ANK3: variants seen among roughly 807,000 people sequenced by gnomAD.
The protein encoded by ANK3 is ankyrin 3, also known as ankyrin-3.
In ANK3, 57 loss-of-function variants were observed where a neutral mutation model predicts 370.9. The observed-to-expected ratio is 0.15, with a 90% CI of 0.12 to 0.19. The LOEUF is 0.19. Ranked by LOEUF, ANK3 falls within the 10% of genes least tolerant of loss-of-function variation. The pLI is 1.00. For synonymous variants in ANK3, 1,929 were observed against 1,946.3 expected, an observed-to-expected ratio of 0.99 and a Z score of 0.23; for missense variants, 4,439 against 5,302.1, an observed-to-expected ratio of 0.84 and a Z score of 5.06.
At chr10:60,719,308 T>G (rs759252687) in intron 1 of ANK3, among the ~76,000 whole-genome samples, 1 of 152,190 alleles carries the variant, frequency 6.6e-6, no homozygotes. Context: ...ATAAGCATCC[T>G]TGTAAATATT....
intron 2 of ANK3, among the ~76,000 whole-genome samples, chr10:60,414,318 T>C (rs1332136264): frequency 3.9e-5 from 6 of 152,194 alleles, no homozygotes; most frequent in Non-Finnish European, 8.8e-5. Flanking sequence ...GAGCCTGTTG[T>C]GTTCAGCCAT....
chr10:60,634,662 T>A (rs1178017927), intron 1 of ANK3, among the ~76,000 whole-genome samples: 4 of 151,932 alleles, frequency 2.6e-5, no homozygotes, highest in African/African-American at 7.3e-5. Flanking sequence ...TGTGGAAGCT[T>A]TGTTCTTTTG....
chr10:60,512,195 T>TAAAACAAAACAA (rs2133164700), intron 2 of ANK3, among the ~76,000 whole-genome samples: 1 of 151,860 alleles, frequency 6.6e-6, no homozygotes. Flanking sequence ...GGGAAGTAAA[T>TAAAACAAAACAA]AAAACAAAAC....
intron 1 of ANK3, among the ~76,000 whole-genome samples, chr10:60,672,812 A>T (rs942299770): frequency 3.9e-5 from 6 of 152,154 alleles, no homozygotes; most frequent in Middle Eastern, 3.2e-3. Context: ...GTCTTGTGAG[A>T]CCTTGCACTT....
At chr10:60,312,149 C>T (rs1362791557) in intron 1 of ANK3, among the ~76,000 whole-genome samples, 1 of 152,144 alleles carries the variant, frequency 6.6e-6, no homozygotes, top group Admixed American at 6.6e-5. Flanking sequence ...TAAACATATC[C>T]TAGGCCAAGG....
intron 2 of ANK3, among the ~76,000 whole-genome samples, chr10:60,409,821 A>G (rs1240397392): frequency 2.6e-5 from 4 of 152,122 alleles, no homozygotes; most frequent in Non-Finnish European, 4.4e-5. Context: ...AAACTCAACA[A>G]CATTTAAAAA....
intron 29 of ANK3, among the ~76,000 whole-genome samples, chr10:60,087,122 C>T (rs2086922544): frequency 6.6e-6 from 1 of 151,886 alleles, no homozygotes; most frequent in Non-Finnish European, 1.5e-5. Context: ...ACACAAATAG[C>T]ACTGGCTTGC....
intron 7 of ANK3, among the ~76,000 whole-genome samples, chr10:60,244,550 G>T (rs1452747842): frequency 6.6e-6 from 1 of 152,068 alleles, no homozygotes; most frequent in Non-Finnish European, 1.5e-5. Context: ...AGTCGAAGTG[G>T]CATAACAAAT....
chr10:60,581,336 TA>T (rs1168294480), intron 2 of ANK3, among the ~76,000 whole-genome samples: 3 of 152,088 alleles, frequency 2.0e-5, no homozygotes, highest in African/African-American at 4.8e-5. Context: ...ATCTGATGAT[TA>T]GGGGTACCAA....
chr10:60,303,004 A>G (rs2044167293), intron 1 of ANK3, among the ~76,000 whole-genome samples: 1 of 152,210 alleles, frequency 6.6e-6, no homozygotes, highest in African/African-American at 2.4e-5. Flanking sequence ...CAGGATATCC[A>G]CATGCAGAAA....
At chr10:60,144,454 T>G (rs758971076) in intron 23 of ANK3, among the ~76,000 whole-genome samples, 1 of 152,220 alleles carries the variant, frequency 6.6e-6, no homozygotes, top group East Asian at 1.9e-4. Context: ...ATTGTTAATC[T>G]ACATCTGTCA....
chr10:60,582,085 C>T (rs917191181), intron 2 of ANK3, among the ~76,000 whole-genome samples: 3 of 151,864 alleles, frequency 2.0e-5, no homozygotes, highest in African/African-American at 7.3e-5. Flanking sequence ...AACGCATGGA[C>T]ACAGGGAGGG....
intron 1 of ANK3, among the ~76,000 whole-genome samples, chr10:60,700,699 G>C (rs1005582825): frequency 1.5e-4 from 23 of 152,074 alleles, no homozygotes; most frequent in Admixed American, 1.0e-3. Context: ...ATAAAGATAG[G>C]CTTTCACTTC....
chr10:60,592,923 C>T (rs909261081), intron 2 of ANK3, among the ~76,000 whole-genome samples: 7 of 152,274 alleles, frequency 4.6e-5, no homozygotes, highest in African/African-American at 7.2e-5. Context: ...CACTCCACAA[C>T]GAATCCAGAG....
chr10:60,611,902 AG>A (rs1440107750), intron 2 of ANK3, among the ~76,000 whole-genome samples: 1 of 151,576 alleles, frequency 6.6e-6, no homozygotes, highest in African/African-American at 2.4e-5. Flanking sequence ...AGTGGGGCGA[AG>A]AAATGGGGAA....
intron 2 of ANK3, among the ~76,000 whole-genome samples, chr10:60,466,595 G>A (rs1189232370): frequency 6.6e-6 from 1 of 152,020 alleles, no homozygotes; most frequent in Non-Finnish European, 1.5e-5. Context: ...GAAAACACTG[G>A]TCCACACAAA....
At chr10:60,388,363 C>T (rs117011548) in intron 1 of ANK3, among the ~76,000 whole-genome samples, 3,282 of 152,236 alleles carry the variant, frequency 0.022, 66 homozygotes, top group Middle Eastern at 0.058. Context: ...CATGGTCACT[C>T]CTGAAGAGGG....
At chr10:60,568,395 T>TA (rs571380171) in intron 2 of ANK3, among the ~76,000 whole-genome samples, 181 of 152,266 alleles carry the variant, frequency 1.2e-3, no homozygotes, top group African/African-American at 4.1e-3. Context: ...TTTTTAGACA[T>TA]AAAAAACACG....
At chr10:60,504,768 C>A (rs1240123460) in intron 2 of ANK3, among the ~76,000 whole-genome samples, 1 of 152,044 alleles carries the variant, frequency 6.6e-6, no homozygotes, top group Non-Finnish European at 1.5e-5. Context: ...GACCCCTGGT[C>A]AAATTTCATC....
Sources: gnomAD v4.1 joint callset for allele counts (sites outside exome capture counted in the v4.1 genomes callset) on GRCh38, gnomAD v4.1.1 for gene constraint, MANE v1.5 for transcripts, NCBI Gene and HGNC (gene_info 2026-07-23, HGNC 2026-07-21) for gene names.